The following NR2F1-AS1 variants were observed in gnomAD, a reference collection of about 807,000 sequenced individuals.
NR2F1-AS1 encodes NR2F1 antisense RNA 1.
chr5:93,491,166 T>C (rs1301259625), intron 4 of NR2F1-AS1, among the ~76,000 whole-genome samples: 1 of 151,032 alleles, frequency 6.6e-6, no homozygotes, highest in African/African-American at 2.4e-5. Flanking sequence ...GTGGTTGTGG[T>C]TATGGTAGTG....
At chr5:93,573,964 G>A (rs1218258651) in intron 1 of NR2F1-AS1, among the ~76,000 whole-genome samples, 3 of 152,214 alleles carry the variant, frequency 2.0e-5, no homozygotes, top group Non-Finnish European at 4.4e-5. Context: ...ATAGTTTTGT[G>A]AGCAATAAAG....
At chr5:93,485,365 G>T (rs150678000) in intron 4 of NR2F1-AS1, among the ~76,000 whole-genome samples, 1 of 152,226 alleles carries the variant, frequency 6.6e-6, no homozygotes, top group East Asian at 1.9e-4. Context: ...TGACTATTCG[G>T]TAAATAACAA....
intron 4 of NR2F1-AS1, among the ~76,000 whole-genome samples, chr5:93,507,485 G>A (rs1751210708): frequency 6.6e-6 from 1 of 152,122 alleles, no homozygotes; most frequent in African/African-American, 2.4e-5. Flanking sequence ...AGCCCCCCAA[G>A]TAGCTGGGAT....
intron 4 of NR2F1-AS1, among the ~76,000 whole-genome samples, chr5:93,412,820 C>T (rs1386072474): frequency 1.3e-5 from 2 of 152,144 alleles, no homozygotes; most frequent in East Asian, 1.9e-4. Flanking sequence ...CTGTTATCTA[C>T]AATTCTAGTG....
intron 4 of NR2F1-AS1, among the ~76,000 whole-genome samples, chr5:93,469,041 T>C (rs985728612): frequency 3.9e-5 from 6 of 152,212 alleles, no homozygotes; most frequent in African/African-American, 7.2e-5. Flanking sequence ...CCCAAAGGAA[T>C]GCTTAACAGG....
At chr5:93,447,771 C>G (rs1010826165) in intron 4 of NR2F1-AS1, among the ~76,000 whole-genome samples, 1 of 152,120 alleles carries the variant, frequency 6.6e-6, no homozygotes, top group Non-Finnish European at 1.5e-5. Context: ...GCACTATTCA[C>G]AATAGCAAAG....
At chr5:93,497,460 G>A (rs540806255) in intron 4 of NR2F1-AS1, among the ~76,000 whole-genome samples, 25 of 152,152 alleles carry the variant, frequency 1.6e-4, no homozygotes, top group African/African-American at 4.8e-4. Flanking sequence ...GACATGCTCC[G>A]GTTTTCAACA....
chr5:93,543,076 G>T (rs1751991356), intron 4 of NR2F1-AS1: 1 of 152,298 alleles, frequency 6.6e-6, no homozygotes, highest in South Asian at 2.1e-4. Flanking sequence ...GATTGATTGC[G>T]GAATTTCAAG....
intron 4 of NR2F1-AS1, among the ~76,000 whole-genome samples, chr5:93,465,295 C>A (rs1012967735): frequency 7.2e-5 from 11 of 152,216 alleles, no homozygotes; most frequent in Admixed American, 3.9e-4. Flanking sequence ...CAAAAGAAGA[C>A]ATTTATGCAG....
At chr5:93,499,261 G>A (rs1190130108) in intron 4 of NR2F1-AS1, among the ~76,000 whole-genome samples, 1 of 152,140 alleles carries the variant, frequency 6.6e-6, no homozygotes, top group African/African-American at 2.4e-5. Flanking sequence ...CAGAAGTACA[G>A]GCATATCTCA....
At chr5:93,557,118 C>G (rs935472079) in intron 2 of NR2F1-AS1, among the ~76,000 whole-genome samples, 1 of 152,184 alleles carries the variant, frequency 6.6e-6, no homozygotes, top group Middle Eastern at 3.4e-3. Flanking sequence ...GACAGCATCA[C>G]ATAATCAAAC....
At chr5:93,576,971 T>C (rs1175507404) in intron 1 of NR2F1-AS1, among the ~76,000 whole-genome samples, 1 of 152,268 alleles carries the variant, frequency 6.6e-6, no homozygotes. Flanking sequence ...ATAAAAGTCT[T>C]CAATTATTTC....
chr5:93,428,033 T>C (rs148425307), intron 4 of NR2F1-AS1, among the ~76,000 whole-genome samples: 1 of 152,148 alleles, frequency 6.6e-6, no homozygotes, highest in East Asian at 1.9e-4. Context: ...ATAAACTATA[T>C]CAAAATGCTA....
intron 4 of NR2F1-AS1, among the ~76,000 whole-genome samples, chr5:93,502,828 T>C (rs939035277): frequency 1.3e-5 from 2 of 152,148 alleles, no homozygotes; most frequent in South Asian, 2.1e-4. Flanking sequence ...TATATAATGT[T>C]ATAGTGTAAT....
At chr5:93,514,828 A>G (rs1194360906) in intron 4 of NR2F1-AS1, among the ~76,000 whole-genome samples, 2 of 152,020 alleles carry the variant, frequency 1.3e-5, no homozygotes, top group Non-Finnish European at 2.9e-5. Context: ...ATTTCATGAA[A>G]CCAAAATATC....
chr5:93,439,515 C>G (rs1348425496), intron 4 of NR2F1-AS1, among the ~76,000 whole-genome samples: 1 of 152,198 alleles, frequency 6.6e-6, no homozygotes. Context: ...AGGATGGTCT[C>G]GATCTCCTGA....
intron 4 of NR2F1-AS1, among the ~76,000 whole-genome samples, chr5:93,535,765 C>T (rs1360052316): frequency 6.6e-6 from 1 of 152,014 alleles, no homozygotes; most frequent in East Asian, 1.9e-4. Flanking sequence ...TGCAGAAAAG[C>T]ATTTGACAAA....
chr5:93,489,764 G>A (rs911399138), intron 4 of NR2F1-AS1, among the ~76,000 whole-genome samples: 2 of 152,142 alleles, frequency 1.3e-5, no homozygotes, highest in African/African-American at 2.4e-5. Flanking sequence ...CATGTTTGGG[G>A]CTTGTGTTGA....
chr5:93,544,083 G>A (rs1752020045), intron 4 of NR2F1-AS1: 1 of 152,054 alleles, frequency 6.6e-6, no homozygotes. Flanking sequence ...CAGGACCTAA[G>A]AAATGAAAAT....
Sources: allele counts gnomAD v4.1 joint callset (sites outside exome capture counted in the v4.1 genomes callset), GRCh38; gene constraint gnomAD v4.1.1; transcripts MANE v1.5; gene names NCBI Gene and HGNC (gene_info 2026-07-23, HGNC 2026-07-21).